Variants in UST observed in about 807,000 individuals in gnomAD.
UST encodes the protein chondroitin sulfate 2-O-sulfotransferase.
Under a neutral mutation model 45.6 loss-of-function variants are expected in UST, and 21 were observed. The ratio of observed to expected loss-of-function variants is 0.46; its 90% CI spans 0.33 to 0.66. The LOEUF is 0.66. UST is among the 30% of genes least tolerant of loss of function. The pLI, the probability that UST is intolerant of heterozygous loss-of-function variation, is 0.02. For synonymous variants in UST, 215 were observed against 200.6 expected, an observed-to-expected ratio of 1.07 and a Z score of -0.61; for missense variants, 463 against 512.4, an observed-to-expected ratio of 0.90 and a Z score of 0.93.
At chr6:149,073,304 A>T (rs541573315) in intron 7 of UST, among the ~76,000 whole-genome samples, 1 of 152,364 alleles carries the variant, frequency 6.6e-6, no homozygotes, top group Non-Finnish European at 1.5e-5. Flanking sequence ...AAATTTGTAA[A>T]TTATACTTAA....
At chr6:148,874,148 T>G (rs1170786499) in intron 1 of UST, among the ~76,000 whole-genome samples, 8 of 152,242 alleles carry the variant, frequency 5.3e-5, no homozygotes, top group Non-Finnish European at 1.2e-4. Flanking sequence ...CCTTAAGTGA[T>G]TCCATCTCTC....
At chr6:148,772,722 C>A (rs1306869604) in intron 1 of UST, among the ~76,000 whole-genome samples, 9 of 152,112 alleles carry the variant, frequency 5.9e-5, no homozygotes, top group Admixed American at 5.2e-4. Context: ...CGTGTCCAGC[C>A]CCTTCTGAGC....
chr6:148,770,971 GACAA>G (rs1214023042), intron 1 of UST, among the ~76,000 whole-genome samples: 1 of 151,966 alleles, frequency 6.6e-6, no homozygotes, highest in Non-Finnish European at 1.5e-5. Flanking sequence ...AGTTTGACAA[GACAA>G]ACAACTTTTA....
intron 1 of UST, among the ~76,000 whole-genome samples, chr6:148,810,259 C>T (rs1777230362): frequency 6.6e-6 from 1 of 152,130 alleles, no homozygotes; most frequent in East Asian, 1.9e-4. Flanking sequence ...ATTATAGTTG[C>T]CTTTGGAAAT....
intron 1 of UST, among the ~76,000 whole-genome samples, chr6:148,787,094 C>T (rs568188661): frequency 6.6e-6 from 1 of 152,134 alleles, no homozygotes; most frequent in African/African-American, 2.4e-5. Context: ...CTTATAGATG[C>T]TGGATATTAG....
In UST at chr6:148,897,110, C is replaced by T. The variant is rs571728736; in HGVS notation, c.291+10081C>T. On this transcript the variant is annotated intron_variant, in intron 2 of 7. Transcript: ENST00000367463. ...TTAGAGCAAGCCTAGTTCCCAGTCC[C>T]CCACCCCACCCCACACCCTATTTTC... Among the ~76,000 whole-genome samples, 4 of 152,126 alleles carry T rather than the reference C, an allele frequency of 2.6e-5. 1 individual carries two copies. In the South Asian group the frequency reaches 8.3e-4, roughly 32 times the overall value.
chr6:148,860,725 AAGGCCTTTTCTGCATCTATTGAG>A (rs1223307188), intron 1 of UST, among the ~76,000 whole-genome samples: 19 of 152,292 alleles, frequency 1.2e-4, no homozygotes, highest in Non-Finnish European at 2.4e-4. Context: ...AATTTTGTCG[AAGGCCTTTTCTGCATCTATTGAG>A]ATAATCACAT....
At chr6:148,956,979 G>A (rs896065407) in intron 4 of UST, among the ~76,000 whole-genome samples, 1 of 152,120 alleles carries the variant, frequency 6.6e-6, no homozygotes, top group Admixed American at 6.5e-5. Context: ...GTGAGGGATG[G>A]GTCAGCTTTA....
intron 7 of UST, among the ~76,000 whole-genome samples, chr6:149,070,437 A>G (rs981790154): frequency 6.6e-5 from 10 of 152,128 alleles, no homozygotes; most frequent in Non-Finnish European, 1.5e-4. Context: ...GAAATTCTAG[A>G]GTGTTCAATG....
At chr6:148,849,159 C>T (rs1374874705) in intron 1 of UST, among the ~76,000 whole-genome samples, 1 of 152,172 alleles carries the variant, frequency 6.6e-6, no homozygotes, top group Non-Finnish European at 1.5e-5. Flanking sequence ...CACTTACATG[C>T]CAGTCTCCTC....
intron 2 of UST, among the ~76,000 whole-genome samples, chr6:148,905,255 T>C (rs1208700351): frequency 6.6e-6 from 1 of 152,214 alleles, no homozygotes. Context: ...CCTGACACCC[T>C]GCGAATGAAC....
At chr6:148,940,764 G>A (rs9377180) in intron 2 of UST, among the ~76,000 whole-genome samples, 18,304 of 152,100 alleles carry the variant, frequency 0.12, 1,204 homozygotes, top group South Asian at 0.15. Flanking sequence ...GCATTTCCCT[G>A]TGACTAATGA....
chr6:148,772,106 C>T (rs554061251), intron 1 of UST, among the ~76,000 whole-genome samples: 3 of 152,302 alleles, frequency 2.0e-5, no homozygotes, highest in South Asian at 4.1e-4. Context: ...TGGTATTTCC[C>T]TGGGGAGCTG....
In UST at chr6:149,022,365, C is replaced by T. The variant is rs569717000; in HGVS notation, c.937+884C>T. 3.3e-5 allele frequency among the ~76,000 whole-genome samples: 5 copies of T among 152,150 alleles called. No homozygotes were observed. In the East Asian group the frequency reaches 5.8e-4, roughly 18 times the overall value. ...CTATAATCCCAGCATTTTGGGAGGC[C>T]GAGGCAGGTGGATCACCTGACGTCA... On this transcript the variant is annotated intron_variant, in intron 7 of 7. Transcript: ENST00000367463.
chr6:148,968,392 A>G (rs1582932946), intron 5 of UST, among the ~76,000 whole-genome samples: 1 of 152,206 alleles, frequency 6.6e-6, no homozygotes, highest in South Asian at 2.1e-4. Context: ...TGCAAGTTCA[A>G]CTTCTAGCAG....
intron 1 of UST, among the ~76,000 whole-genome samples, chr6:148,811,717 T>C (rs1255511796): frequency 6.6e-6 from 1 of 152,198 alleles, no homozygotes; most frequent in Non-Finnish European, 1.5e-5. Flanking sequence ...GCATGACAGG[T>C]GGCTTCCCTC....
chr6:148,912,421 G>A lies in UST; in HGVS notation c.291+25392G>A, dbSNP rs142156932. On this transcript the variant is annotated intron_variant, in intron 2 of 7. Coordinates refer to ENST00000367463, the MANE Select transcript of UST (RefSeq NM_005715.3). ...AGGCCGAGCAGGCCCATATCCCTGC[G>A]TAAGTCCTGAACCATGCTTCGTTAA... Among the ~76,000 whole-genome samples, 355 of 152,360 alleles carry A rather than the reference G, an allele frequency of 2.3e-3. 2 individuals are homozygous for A. Among genetic ancestry groups the A allele is most frequent in the Admixed American group, 3.9e-3 (60 of 15,306 alleles).
chr6:148,958,460 T>C (rs1224701318), intron 4 of UST, among the ~76,000 whole-genome samples: 1 of 152,210 alleles, frequency 6.6e-6, no homozygotes, highest in Non-Finnish European at 1.5e-5. Context: ...GCAAATGTTT[T>C]TCACCTGGAC....
chr6:149,058,840 A>G (rs992761296), intron 7 of UST, among the ~76,000 whole-genome samples: 6 of 152,274 alleles, frequency 3.9e-5, no homozygotes, highest in Admixed American at 1.3e-4. Flanking sequence ...TCCTTCTTTT[A>G]TTGCCATCCT....
Sources: allele counts gnomAD v4.1 joint callset (sites outside exome capture counted in the v4.1 genomes callset), GRCh38; gene constraint gnomAD v4.1.1; transcripts MANE v1.5; gene names NCBI Gene and HGNC (gene_info 2026-07-23, HGNC 2026-07-21).